CORIN: variants seen among roughly 807,000 people sequenced by gnomAD.
CORIN encodes atrial natriuretic peptide-converting enzyme.
A neutral mutation model predicts 125.3 loss-of-function variants in CORIN; 117 were observed. The ratio of observed to expected loss-of-function variants is 0.93; its 90% CI spans 0.80 to 1.09. The LOEUF is 1.09. Ranked by LOEUF, CORIN falls within the 50% of genes least tolerant of loss-of-function variation. The pLI is 0.00. For missense variants in CORIN, 1,253 were observed against 1,306.7 expected, an observed-to-expected ratio of 0.96 and a Z score of 0.63; for synonymous variants, 450 against 466.4, an observed-to-expected ratio of 0.96 and a Z score of 0.45.
chr4:47,715,679 C>T (rs905306519), intron 5 of CORIN, among the ~76,000 whole-genome samples: 1 of 152,170 alleles, frequency 6.6e-6, no homozygotes, highest in Non-Finnish European at 1.5e-5. Context: ...ATGTGTCTTT[C>T]TGGTTTGTGT....
intron 3 of CORIN, among the ~76,000 whole-genome samples, chr4:47,764,883 GT>G (rs1729638618): frequency 1.3e-5 from 2 of 152,026 alleles, no homozygotes; most frequent in Admixed American, 6.6e-5. Flanking sequence ...TTATTTAGGG[GT>G]TATCAGCTTT....
chr4:47,687,235 T>C (rs1011111375), intron 6 of CORIN, among the ~76,000 whole-genome samples: 1 of 152,190 alleles, frequency 6.6e-6, no homozygotes, highest in Non-Finnish European at 1.5e-5. Flanking sequence ...CCAGAGGCAC[T>C]GCAAAGCCAG....
intron 4 of CORIN, among the ~76,000 whole-genome samples, chr4:47,751,199 A>G (rs28414198): frequency 0.045 from 6,829 of 152,240 alleles, 470 homozygotes; most frequent in African/African-American, 0.15. Flanking sequence ...TTGAATCCAC[A>G]TAAGAAATGA....
At chr4:47,647,063 G>C (rs1428852564) in intron 13 of CORIN, among the ~76,000 whole-genome samples, 1 of 152,104 alleles carries the variant, frequency 6.6e-6, no homozygotes. Flanking sequence ...AATCCGGGGG[G>C]GTCTTAGGCC....
chr4:47,837,964 G>T lies in CORIN; in HGVS notation c.-15C>A. The T allele has an allele frequency of 6.2e-7, 1 of 1,611,042 alleles. No homozygotes were observed. ...GACTGTTTCATGGATAAAAAGTCTCGCTTATTCTTCTGTCCACTTTTATCT... is the reference window on the plus strand; with the variant it reads ...GACTGTTTCATGGATAAAAAGTCTCTCTTATTCTTCTGTCCACTTTTATCT... On this transcript the variant is annotated 5_prime_UTR_variant, in exon 1 of 22. Transcript: ENST00000273857.
chr4:47,610,643 A>G (rs990910246), intron 19 of CORIN, among the ~76,000 whole-genome samples: 4 of 151,940 alleles, frequency 2.6e-5, no homozygotes, highest in Admixed American at 6.6e-5. Flanking sequence ...TGCTTTCAAT[A>G]TTTTTGTCAT....
chr4:47,827,189 A>T (rs1275799434), intron 1 of CORIN, among the ~76,000 whole-genome samples: 1 of 152,194 alleles, frequency 6.6e-6, no homozygotes, highest in Non-Finnish European at 1.5e-5. Context: ...CCTTACTTAT[A>T]AGAGAGCCCA....
At chr4:47,643,343 G>T in intron 14 of CORIN, 87 bp from the exon 15 acceptor site, 1 of 1,255,848 alleles carries the variant, frequency 8.0e-7, no homozygotes. Flanking sequence ...TGTGCCAGCA[G>T]GAGCATGGAA....
chr4:47,668,710 A>G (rs1724592334), intron 10 of CORIN, among the ~76,000 whole-genome samples: 1 of 152,242 alleles, frequency 6.6e-6, no homozygotes, highest in Admixed American at 6.5e-5. Flanking sequence ...TATCGCATGA[A>G]TAATTTTTCT....
At chr4:47,709,956 A>C (rs989938182) in intron 5 of CORIN, among the ~76,000 whole-genome samples, 3 of 152,230 alleles carry the variant, frequency 2.0e-5, no homozygotes, top group Non-Finnish European at 4.4e-5. Flanking sequence ...TCAAAATACA[A>C]ATTTTAGTAT....
rs747276428 is a variant in CORIN at position 47,693,013 on chromosome 4, A to G, written c.870T>C (p.Asn290=). Residue 290 remains asparagine, a synonymous_variant, in exon 6 of 22, where the codon AAT becomes AAC. Coordinates refer to ENST00000273857, the MANE Select transcript of CORIN (RefSeq NM_006587.4). The part of the protein sequence containing the change: ...GICIPGKLQC[N]GYNDCDDWSD... ...TCCAGTCGTCACAGTCGTTGTAGCC[A>G]TTACATTGCAGTTTCCCGGGGATGC... The G allele has an allele frequency of 1.2e-6, 2 of 1,613,916 alleles. No individual in the cohort carries two copies. Among genetic ancestry groups the G allele is most frequent in the South Asian group, 2.2e-5 (2 of 91,074 alleles).
At chr4:47,820,500 C>T (rs1489056876) in intron 1 of CORIN, among the ~76,000 whole-genome samples, 1 of 152,054 alleles carries the variant, frequency 6.6e-6, no homozygotes, top group East Asian at 1.9e-4. Flanking sequence ...AAAGTGAAAA[C>T]AATAAAAAGC....
At chr4:47,734,499 T>C (rs1489580208) in intron 5 of CORIN, among the ~76,000 whole-genome samples, 3 of 152,240 alleles carry the variant, frequency 2.0e-5, no homozygotes, top group Non-Finnish European at 4.4e-5. Context: ...CTCTATTCCA[T>C]TGACATTTAA....
intron 20 of CORIN, among the ~76,000 whole-genome samples, chr4:47,601,339 C>G (rs7671412): frequency 0.14 from 20,547 of 147,664 alleles, 1,822 homozygotes; most frequent in African/African-American, 0.25. Context: ...TTTTTTGAGA[C>G]AGGGTCTCAT....
intron 18 of CORIN, 59 bp from the exon 19 acceptor site, chr4:47,623,804 G>A: frequency 1.2e-6 from 2 of 1,610,344 alleles, no homozygotes; most frequent in Non-Finnish European, 1.7e-6. Flanking sequence ...TAAATGCTTA[G>A]CTCTTTGCTG....
chr4:47,601,610 G>A (rs1721451345), intron 20 of CORIN, among the ~76,000 whole-genome samples: 1 of 151,976 alleles, frequency 6.6e-6, no homozygotes. Flanking sequence ...TGTGCGTTAT[G>A]TTGCACTATT....
At chr4:47,771,426 A>T (rs1730023098) in intron 3 of CORIN, among the ~76,000 whole-genome samples, 1 of 152,180 alleles carries the variant, frequency 6.6e-6, no homozygotes, top group South Asian at 2.1e-4. Flanking sequence ...CTCTCCATGA[A>T]GATTTAAGCT....
intron 1 of CORIN, 106 bp downstream of exon 1, chr4:47,837,781 A>T (rs957742705): frequency 3.0e-6 from 3 of 996,184 alleles, no homozygotes; most frequent in Non-Finnish European, 3.2e-6. Flanking sequence ...AGGAGGTGGC[A>T]TCGGGCGGAG....
At chr4:47,804,487 A>C (rs1433731479) in intron 2 of CORIN, among the ~76,000 whole-genome samples, 1 of 152,178 alleles carries the variant, frequency 6.6e-6, no homozygotes, top group East Asian at 1.9e-4. Flanking sequence ...TGGATAAAGA[A>C]AATATGGTGC....
Sources: allele counts gnomAD v4.1 joint callset (sites outside exome capture counted in the v4.1 genomes callset), GRCh38; gene constraint gnomAD v4.1.1; transcripts MANE v1.5; gene names NCBI Gene and HGNC (gene_info 2026-07-23, HGNC 2026-07-21).